Variants in SETDB2 observed in about 807,000 individuals in gnomAD.
The protein encoded by SETDB2 is SET domain bifurcated histone lysine methyltransferase 2.
A neutral mutation model predicts 82.5 loss-of-function variants in SETDB2; 56 were observed. The observed-to-expected ratio is 0.68, with a 90% CI of 0.55 to 0.85. The LOEUF (loss-of-function observed/expected upper bound fraction) is 0.85, where lower values mean the gene tolerates loss of function less well. SETDB2 is among the 40% of genes least tolerant of loss of function. The probability of loss-of-function intolerance (pLI) is 0.00; values close to 1 mark genes in which losing one functional copy is unlikely to be tolerated. For missense variants in SETDB2, 677 were observed against 816.4 expected (o/e 0.83, Z 2.08); for synonymous variants, 272 against 284.9 (o/e 0.95, Z 0.46).
intron 13 of SETDB2, among the ~76,000 whole-genome samples, chr13:49,491,486 A>C (rs1386813609): frequency 1.3e-5 from 2 of 152,218 alleles, no homozygotes; most frequent in Admixed American, 6.5e-5. Flanking sequence ...ACTGGGTCCC[A>C]CTGTTGGCAA....
Position 49,488,550 on chromosome 13 carries a change from G to T in SETDB2, c.1837G>T (p.Asp613Tyr). ...AAGTGAAACCAAGAATACTTCATCT[G>T]ATTCTCTAACAAAGTTCAATAAAGG... ...LLSETKNTSS[D>Y]SLTKFNKGNV... The change falls in exon 12 of 14, where the codon GAT becomes TAT. Residue 613 changes from aspartate (D) to tyrosine (Y), a missense_variant. By Grantham distance (160) the Asp-to-Tyr change is radical. This residue lies in a region of SETDB2 where 420 missense variants were observed against 554.6 expected (regional missense o/e 0.76). Transcript: ENST00000611815. 1 of 1,613,096 alleles carries T rather than the reference G, an allele frequency of 6.2e-7. No homozygotes were observed. The highest frequency in any genetic ancestry group is 1.1e-5 in the South Asian group (1 of 90,678).
intron 6 of SETDB2, among the ~76,000 whole-genome samples, chr13:49,479,555 G>A (rs923213055): frequency 2.0e-5 from 3 of 152,164 alleles, no homozygotes; most frequent in Non-Finnish European, 4.4e-5. Flanking sequence ...AAAGTCACTT[G>A]TTCAGCAAAG....
chr13:49,483,835 G>C (rs1958535569), intron 10 of SETDB2, among the ~76,000 whole-genome samples: 1 of 151,746 alleles, frequency 6.6e-6, no homozygotes, highest in Admixed American at 6.6e-5. Context: ...GCCCAGGCTG[G>C]TCTCCAACTC....
At chr13:49,463,573 T>A (rs1050240484) in intron 4 of SETDB2, among the ~76,000 whole-genome samples, 3 of 152,316 alleles carry the variant, frequency 2.0e-5, no homozygotes, top group Middle Eastern at 3.4e-3. Context: ...TGTGACAGGT[T>A]CATAACTCAG....
intron 12 of SETDB2, among the ~76,000 whole-genome samples, 191 bp from the exon 13 acceptor site, chr13:49,490,631 A>G (rs1213905002): frequency 6.6e-6 from 1 of 152,246 alleles, no homozygotes; most frequent in Non-Finnish European, 1.5e-5. Flanking sequence ...CCAGCAACAT[A>G]GAAGAGCGTC....
intron 5 of SETDB2, among the ~76,000 whole-genome samples, chr13:49,473,808 T>C (rs1374149047): frequency 6.6e-6 from 1 of 152,094 alleles, no homozygotes; most frequent in African/African-American, 2.4e-5. Flanking sequence ...GAAAATAGGG[T>C]GTTTTATCTC....
intron 2 of SETDB2, among the ~76,000 whole-genome samples, chr13:49,457,519 C>G (rs532960227): frequency 6.6e-6 from 1 of 151,376 alleles, no homozygotes; most frequent in Non-Finnish European, 1.5e-5. Context: ...CTGTAACCTC[C>G]GCCTCCTAGG....
At chr13:49,487,994 TAATG>T (rs1219113076) in intron 11 of SETDB2, among the ~76,000 whole-genome samples, 1 of 152,188 alleles carries the variant, frequency 6.6e-6, no homozygotes, top group Non-Finnish European at 1.5e-5. Flanking sequence ...TTAAATATAA[TAATG>T]AAGAAGCAAG....
In SETDB2 at chr13:49,494,456, A is replaced by T. The variant is rs1468927889; in HGVS notation, c.*2607A>T. ...TCAGAGTTAATGGTCTTGGTAGTCT[A>T]CTCATATTTAAGTGTGGAACACCAA... On this transcript the variant is annotated 3_prime_UTR_variant, in exon 14 of 14. Transcript: ENST00000611815. The T allele has an allele frequency of 6.6e-6, 1 of 152,078 alleles. No individual in the cohort carries two copies. Among genetic ancestry groups the T allele is most frequent in the Non-Finnish European group, 1.5e-5 (1 of 68,024 alleles). The allele number at this position is 152,078 out of a possible 1,614,324, so 9.4% of individuals were successfully genotyped here.
At chr13:49,456,130 C>T (rs1360855283) in intron 2 of SETDB2, among the ~76,000 whole-genome samples, 2 of 152,000 alleles carry the variant, frequency 1.3e-5, no homozygotes, top group East Asian at 3.9e-4. Context: ...TTGGGGAGTC[C>T]TAGGGGTCCA....
intron 5 of SETDB2, among the ~76,000 whole-genome samples, chr13:49,472,982 C>G (rs1283802169): frequency 6.6e-6 from 1 of 152,082 alleles, no homozygotes; most frequent in South Asian, 2.1e-4. Context: ...TTTACTATTA[C>G]AAATTTTAGT....
intron 2 of SETDB2, among the ~76,000 whole-genome samples, chr13:49,453,028 T>C (rs955945572): frequency 1.2e-4 from 18 of 152,260 alleles, no homozygotes; most frequent in Non-Finnish European, 2.5e-4. Context: ...TAAATCACTA[T>C]AGGTAGCCCA....
chr13:49,450,515 T>C (rs760882551), intron 1 of SETDB2, among the ~76,000 whole-genome samples: 1 of 152,226 alleles, frequency 6.6e-6, no homozygotes, highest in Non-Finnish European at 1.5e-5. Flanking sequence ...TCTTCAGATA[T>C]TTGAGGACTC....
rs966584985 is a variant in SETDB2, at chr13:49,493,675, C to A, written c.*1826C>A. ...TGTTTGACAATGTCTTTATTTTACC[C>A]TTATACCTGATTGCTGTTTTGGTTG... is the stretch of plus-strand genomic sequence containing the variant. On this transcript the variant is annotated 3_prime_UTR_variant, in exon 14 of 14. Transcript: ENST00000611815. 2.0e-5 allele frequency: 3 copies of A among 152,152 alleles called. No homozygotes were observed. The highest frequency in any genetic ancestry group is 7.2e-5 in the African/African-American group (3 of 41,416). The allele number at this position is 152,152 out of a possible 1,614,324, so 9.4% of individuals were successfully genotyped here. A position where few individuals can be genotyped will look rare whatever the true frequency, so the allele number is the denominator to read the frequency against.
At chr13:49,482,305 A>G (rs975500673) in intron 8 of SETDB2, 3 of 985,300 alleles carry the variant, frequency 3.0e-6, no homozygotes, top group African/African-American at 1.7e-5. Context: ...AGAACTTAAT[A>G]TGACAACACT....
chr13:49,473,574 T>A (rs1047407028), intron 5 of SETDB2, among the ~76,000 whole-genome samples: 20 of 138,604 alleles, frequency 1.4e-4, no homozygotes, highest in South Asian at 7.2e-4. Flanking sequence ...AAAAAAAAAA[T>A]TCATAGGCAA....
intron 5 of SETDB2, 95 bp downstream of exon 5, chr13:49,468,055 A>C (rs1958152838): frequency 1.2e-6 from 1 of 811,326 alleles, no homozygotes; most frequent in Admixed American, 3.8e-5. Context: ...ATATACAAAA[A>C]AATTTTTCCC....
rs951010746 is a variant in SETDB2 at position 49,444,611 on chromosome 13, C to T, written c.-588C>T. The T allele has an allele frequency of 6.3e-6, 1 of 158,020 alleles. No individual in the cohort carries two copies. Among genetic ancestry groups the T allele is most frequent in the Non-Finnish European group, 1.4e-5 (1 of 70,858 alleles). 9.8% of individuals were successfully genotyped at this position (158,020 alleles called of 1,614,324 possible). On this transcript the variant is annotated 5_prime_UTR_variant, in exon 1 of 14. Transcript: ENST00000611815. ...GAGCCCTCGGCCGCCCGAGCAGGGG[C>T]TGGACCCCAGCCCTTGCAGCCTCCC...
At chr13:49,447,121 CTATTA>C (rs1443811657) in intron 1 of SETDB2, among the ~76,000 whole-genome samples, 1 of 151,994 alleles carries the variant, frequency 6.6e-6, no homozygotes, top group South Asian at 2.1e-4. Flanking sequence ...ATTGAAGTGT[CTATTA>C]TGTTTGTTAA....
Sources: allele counts gnomAD v4.1 joint callset (sites outside exome capture counted in the v4.1 genomes callset), GRCh38; gene constraint gnomAD v4.1.1; regional missense constraint gnomAD v4.1.1; transcripts MANE v1.5; gene names NCBI Gene and HGNC (gene_info 2026-07-23, HGNC 2026-07-21).